Variants in HOMER2 observed in about 807,000 individuals in gnomAD.
The protein encoded by HOMER2 is homer scaffold protein 2.
Under a neutral mutation model 47.0 loss-of-function variants are expected in HOMER2, and 27 were observed. The ratio of observed to expected loss-of-function variants is 0.57; its 90% CI spans 0.42 to 0.79. HOMER2 has a LOEUF of 0.79. HOMER2 is among the 30% of genes least tolerant of loss of function. The pLI is 0.00. For synonymous variants in HOMER2, 161 were observed against 163.8 expected, an observed-to-expected ratio of 0.98 and a Z score of 0.13; for missense variants, 443 against 435.0, an observed-to-expected ratio of 1.02 and a Z score of -0.16.
chr15:82,956,742 G>T (rs1214273541), upstream of HOMER2, among the ~76,000 whole-genome samples: 1 of 152,182 alleles, frequency 6.6e-6, no homozygotes, highest in African/African-American at 2.4e-5. Context: ...CTGAATTACA[G>T]CTGTGCTATG....
chr15:82,850,957 C>G (rs947398137), intron 8 of HOMER2, among the ~76,000 whole-genome samples, 194 bp downstream of exon 8: 3 of 152,228 alleles, frequency 2.0e-5, no homozygotes, highest in Admixed American at 2.0e-4. Context: ...AAAAGACAAA[C>G]GTTGCTGAGT....
chr15:82,965,993 G>A (rs1373419299), intron 1 of HOMER2, among the ~76,000 whole-genome samples: 1 of 152,126 alleles, frequency 6.6e-6, no homozygotes, highest in Non-Finnish European at 1.5e-5. Context: ...ATTGGGGGAT[G>A]AGGAGGTTAA....
At position 82,979,917 on chromosome 15, in the gene HOMER2, G is replaced by A. The variant is rs183872370; in HGVS notation, n.82+5870C>T. On this transcript the variant is annotated intron_variant and non_coding_transcript_variant, in intron 1 of 1. Transcript: ENST00000500334. ...TAGAGCTCATATGTGATGGATGGCT[G>A]GAGATATCCATTGAGTCATCAGAAC... 2.8e-3 allele frequency among the ~76,000 whole-genome samples: 426 copies of A among 152,190 alleles called. 3 individuals carry two copies. The highest frequency in any genetic ancestry group is 9.7e-3 in the African/African-American group (404 of 41,534).
intron 4 of HOMER2, among the ~76,000 whole-genome samples, chr15:82,861,813 C>A (rs1176713119): frequency 3.9e-5 from 6 of 152,010 alleles, no homozygotes; most frequent in African/African-American, 1.4e-4. Flanking sequence ...TTGAGATCAG[C>A]CTGAGCCAAC....
intron 1 of HOMER2, among the ~76,000 whole-genome samples, chr15:82,961,039 C>T (rs2054626681): frequency 6.6e-6 from 1 of 152,234 alleles, no homozygotes; most frequent in African/African-American, 2.4e-5. Context: ...GGCAGAGATG[C>T]CTTATCTGGC....
chr15:82,918,999 T>A (rs566584322), intron 1 of HOMER2, among the ~76,000 whole-genome samples: 40 of 152,284 alleles, frequency 2.6e-4, no homozygotes, highest in African/African-American at 9.4e-4. Context: ...AAGATGTCAC[T>A]TGTCCTGGGA....
At chr15:82,871,307 T>G (rs1478941856) in intron 3 of HOMER2, among the ~76,000 whole-genome samples, 1 of 152,226 alleles carries the variant, frequency 6.6e-6, no homozygotes. Flanking sequence ...TATAAAGTGT[T>G]CTTAGATGAA....
chr15:82,892,043 C>A, intron 2 of HOMER2, among the ~76,000 whole-genome samples: 2 of 151,238 alleles, frequency 1.3e-5, no homozygotes, highest in African/African-American at 2.4e-5. Context: ...AATTCTGTTC[C>A]CATGATAATG....
intron 1 of HOMER2, among the ~76,000 whole-genome samples, chr15:82,922,932 C>A (rs1272411303): frequency 2.0e-5 from 3 of 152,176 alleles, no homozygotes; most frequent in Non-Finnish European, 2.9e-5. Context: ...ACTGAGCACA[C>A]CACCCCCAGG....
At chr15:82,838,103 A>T (rs2051144674) in exon 2 of HOMER2, 1 of 152,606 alleles carries the variant, frequency 6.6e-6, no homozygotes, top group Non-Finnish European at 1.5e-5. Context: ...AAGAGCCTGC[A>T]GGGTCCTAGG....
intron 2 of HOMER2, among the ~76,000 whole-genome samples, chr15:82,876,645 A>C (rs926447012): frequency 1.3e-5 from 2 of 152,246 alleles, no homozygotes; most frequent in Non-Finnish European, 2.9e-5. Flanking sequence ...ACAGGGAATA[A>C]GAGCAATCTA....
chr15:82,846,507 G>A (rs561003471), downstream of HOMER2: 5 of 152,222 alleles, frequency 3.3e-5, no homozygotes, highest in African/African-American at 1.2e-4. Flanking sequence ...GGCACCCACG[G>A]GTCACCAAAG....
At chr15:82,892,011 A>G (rs1349482282) in intron 2 of HOMER2, among the ~76,000 whole-genome samples, 1 of 151,736 alleles carries the variant, frequency 6.6e-6, no homozygotes, top group Non-Finnish European at 1.5e-5. Flanking sequence ...ACTTGGTGAT[A>G]CTTCTGCTGG....
At position 82,913,699 on chromosome 15, in the gene HOMER2, T is replaced by A. The variant is rs2053507718; in HGVS notation, c.6-20858A>T. On this transcript the variant is annotated intron_variant, in intron 1 of 8. Transcript: ENST00000450735. The surrounding 1 kb of genome is among the most constrained non-coding windows in gnomAD (Gnocchi z 4.1). ...AAATGTTCTTGCTGCAGTCCCTCCA[T>A]CCTGGACCCTTCCTCCAGAATCCCC... Among the ~76,000 whole-genome samples, 2 of 152,184 alleles carry A rather than the reference T, an allele frequency of 1.3e-5. No homozygotes were observed. Among genetic ancestry groups the A allele is most frequent in the African/African-American group, 4.8e-5 (2 of 41,442 alleles).
At chr15:82,868,541 A>ATATATATATATT in intron 3 of HOMER2, among the ~76,000 whole-genome samples, 48 of 71,244 alleles carry the variant, frequency 6.7e-4, no homozygotes, top group Non-Finnish European at 1.1e-3. Flanking sequence ...ATATATATAT[A>ATATATATATATT]TTTTTTTTTT....
chr15:82,849,763 G>A lies in HOMER2; in HGVS notation c.984C>T (p.Asp328=). 6.2e-7 allele frequency: 1 copy of A among 1,613,950 alleles called. No individual in the cohort carries two copies. The highest frequency in any genetic ancestry group is 8.5e-7 in the Non-Finnish European group (1 of 1,179,864). ...AGAGCCCTCGGCGGAAGTCATGCAG[G>A]TCGTCAATCTTCCCGTCCAGCACCT... ...FLEVLDGKID[D]LHDFRRGLSK... is the part of the protein sequence containing the mutation. Residue 328 remains aspartate (D), a synonymous_variant, in exon 9 of 9, where the codon GAC becomes GAT. Coordinates refer to ENST00000450735, the MANE Select transcript of HOMER2 (RefSeq NM_004839.4).
chr15:82,858,810 T>A lies in HOMER2; in HGVS notation c.494+219A>T, dbSNP rs12594415. On this transcript the variant is annotated intron_variant, in intron 5 of 8. Coordinates refer to ENST00000450735, the MANE Select transcript of HOMER2 (RefSeq NM_004839.4). ...ATATCTCTCTCTCACACACACACAC[T>A]CTCTATTTCCCACACACACACAAAT... Among the ~76,000 whole-genome samples the A allele has an allele frequency of 0.3, 45,736 of 151,732 alleles. 7,074 individuals carry two copies. Among genetic ancestry groups the A allele is most frequent in the East Asian group, 0.44 (2,265 of 5,152 alleles).
chr15:82,959,763 G>A (rs2054615310), intron 1 of HOMER2, among the ~76,000 whole-genome samples: 1 of 152,144 alleles, frequency 6.6e-6, no homozygotes, highest in African/African-American at 2.4e-5. Flanking sequence ...AAGAGAAGTA[G>A]GTGTGATACC....
intron 1 of HOMER2, among the ~76,000 whole-genome samples, chr15:82,945,739 G>C (rs1174886401): frequency 6.6e-6 from 1 of 152,144 alleles, no homozygotes; most frequent in Non-Finnish European, 1.5e-5. Flanking sequence ...GGGAGGCCAA[G>C]GCGGGCAAAT....
Sources: gnomAD v4.1 joint callset for allele counts (sites outside exome capture counted in the v4.1 genomes callset) on GRCh38, gnomAD v4.1.1 for gene constraint, Gnocchi (gnomAD v3.1) non-coding constraint, MANE v1.5 for transcripts, NCBI Gene and HGNC (gene_info 2026-07-23, HGNC 2026-07-21) for gene names.